The following GAREM1 variants were observed in gnomAD, a reference collection of about 807,000 sequenced individuals.
The protein encoded by GAREM1 is GRB2-associated and regulator of MAPK protein 1.
A neutral mutation model predicts 71.3 loss-of-function variants in GAREM1; 26 were observed. The ratio of observed to expected loss-of-function variants is 0.36; its 90% CI spans 0.27 to 0.51. The LOEUF (loss-of-function observed/expected upper bound fraction) is 0.51, where lower values mean the gene tolerates loss of function less well. GAREM1 is among the 20% of genes least tolerant of loss of function. The pLI is 0.95. For synonymous variants in GAREM1, 440 were observed against 433.2 expected, an observed-to-expected ratio of 1.02 and a Z score of -0.20; for missense variants, 1,026 against 1,103.1, an observed-to-expected ratio of 0.93 and a Z score of 0.99.
At chr18:32,270,404 C>A in intron 4 of GAREM1, 21 bp from the exon 5 acceptor site, 1 of 1,593,670 alleles carries the variant, frequency 6.3e-7, no homozygotes, top group Non-Finnish European at 8.5e-7. Context: ...AAAGAACACT[C>A]CAGGTTAGCA....
intron 4 of GAREM1, among the ~76,000 whole-genome samples, chr18:32,278,404 A>G (rs924476183): frequency 6.6e-6 from 1 of 152,242 alleles, no homozygotes; most frequent in African/African-American, 2.4e-5. Context: ...AGATTTTGGC[A>G]TACTTAGGTG....
intron 1 of GAREM1, among the ~76,000 whole-genome samples, chr18:32,433,165 A>C (rs1405832305): frequency 6.6e-6 from 1 of 151,796 alleles, no homozygotes; most frequent in Non-Finnish European, 1.5e-5. Flanking sequence ...AAAAAAAAAC[A>C]ACCCCACACA....
chr18:32,356,132 T>C (rs538470361), intron 2 of GAREM1, among the ~76,000 whole-genome samples: 1 of 152,308 alleles, frequency 6.6e-6, no homozygotes, highest in Non-Finnish European at 1.5e-5. Flanking sequence ...AAGGAATGAA[T>C]CACCATGAAG....
chr18:32,395,308 C>T lies in GAREM1; in HGVS notation c.122-2273G>A, dbSNP rs145370049. Among the ~76,000 whole-genome samples the T allele has an allele frequency of 3.9e-3, 598 of 152,346 alleles. 6 individuals are homozygous for T. Among genetic ancestry groups the T allele is most frequent in the African/African-American group, 0.013 (540 of 41,580 alleles). Reference sequence around the variant, plus strand: ...CTCAACCAATATAACAAGCACTGTTCTGAGTGCTAGGCGCATACGGGTGAA... The same window carrying T: ...CTCAACCAATATAACAAGCACTGTTTTGAGTGCTAGGCGCATACGGGTGAA... On this transcript the variant is annotated intron_variant, in intron 1 of 5. Transcript: ENST00000269209.
intron 2 of GAREM1, among the ~76,000 whole-genome samples, chr18:32,356,832 C>G (rs2047810934): frequency 6.6e-6 from 1 of 152,126 alleles, no homozygotes; most frequent in Non-Finnish European, 1.5e-5. Context: ...CTAGGAGGAC[C>G]ATCATTATGA....
rs150041985 is a variant in GAREM1 at position 32,271,646 on chromosome 18, G to A, written c.1567-1263C>T. ...TGACCATGGTCCACACACTGACAAG[G>A]CTGCAGAAGGAGTAATGAAGCGGCT... On this transcript the variant is annotated intron_variant, in intron 4 of 5. Transcript: ENST00000269209. Among the ~76,000 whole-genome samples the A allele has an allele frequency of 2.6e-3, 402 of 152,252 alleles. 2 individuals carry two copies. The highest frequency in any genetic ancestry group is 0.014 in the Middle Eastern group (4 of 294).
chr18:32,340,028 G>A (rs777157910), intron 2 of GAREM1, among the ~76,000 whole-genome samples: 20 of 152,254 alleles, frequency 1.3e-4, no homozygotes, highest in Non-Finnish European at 2.6e-4. Context: ...TAAAATACCT[G>A]GACACAATTC....
At position 32,451,391 on chromosome 18, in the gene GAREM1, A is replaced by G. The variant is rs191466000; in HGVS notation, c.121+18917T>C. Reference sequence around the variant, plus strand: ...CCCTTGCTGTTTTAAACCAACTAACACTTTGGAGTTGCTACTGCCACCAAA... The same window carrying G: ...CCCTTGCTGTTTTAAACCAACTAACGCTTTGGAGTTGCTACTGCCACCAAA... On this transcript the variant is annotated intron_variant, in intron 1 of 5. Coordinates refer to ENST00000269209, the MANE Select transcript of GAREM1 (RefSeq NM_001242409.2). 3.0e-3 allele frequency among the ~76,000 whole-genome samples: 458 copies of G among 152,070 alleles called. 2 individuals carry two copies. The highest frequency in any genetic ancestry group is 0.01 in the Middle Eastern group (3 of 294).
At chr18:32,307,121 T>G (rs1037746627) in intron 3 of GAREM1, among the ~76,000 whole-genome samples, 7 of 152,258 alleles carry the variant, frequency 4.6e-5, no homozygotes, top group African/African-American at 1.7e-4. Context: ...TTCCCCTTTT[T>G]CTAATACTTT....
At chr18:32,277,689 C>T (rs2041560354) in intron 4 of GAREM1, among the ~76,000 whole-genome samples, 2 of 152,164 alleles carry the variant, frequency 1.3e-5, no homozygotes, top group South Asian at 4.1e-4. Flanking sequence ...GACATTTAAC[C>T]TTCTTTTCCC....
intron 3 of GAREM1, among the ~76,000 whole-genome samples, chr18:32,290,749 C>T (rs1011805602): frequency 6.6e-6 from 1 of 151,970 alleles, no homozygotes; most frequent in Non-Finnish European, 1.5e-5. Flanking sequence ...AACTTCTTTC[C>T]TCTAAGAGAA....
intron 4 of GAREM1, among the ~76,000 whole-genome samples, chr18:32,284,906 C>T (rs1022446780): frequency 7.9e-5 from 12 of 151,978 alleles, no homozygotes; most frequent in Admixed American, 6.6e-4. Context: ...CCCGCCACCA[C>T]GCCCAGCTAA....
chr18:32,396,095 T>A (rs1599017115), intron 1 of GAREM1, among the ~76,000 whole-genome samples: 1 of 152,316 alleles, frequency 6.6e-6, no homozygotes, highest in South Asian at 2.1e-4. Context: ...GACCTGCAGC[T>A]GAGGGTCGTG....
intron 2 of GAREM1, among the ~76,000 whole-genome samples, chr18:32,361,730 C>T (rs2047867934): frequency 6.6e-6 from 1 of 152,248 alleles, no homozygotes; most frequent in East Asian, 1.9e-4. Flanking sequence ...TAAACTGTTT[C>T]TATTTCCTCA....
chr18:32,406,946 C>T (rs1163866218), intron 1 of GAREM1, among the ~76,000 whole-genome samples: 1 of 152,130 alleles, frequency 6.6e-6, no homozygotes, highest in Admixed American at 6.6e-5. Flanking sequence ...TATGGATTTG[C>T]AGAAAAGACA....
chr18:32,309,343 C>T (rs1192504537), intron 3 of GAREM1, among the ~76,000 whole-genome samples: 3 of 149,254 alleles, frequency 2.0e-5, no homozygotes, highest in East Asian at 3.9e-4. Context: ...AGGCCAGACA[C>T]GGTGGCTCAC....
chr18:32,397,573 T>A (rs532021666), intron 1 of GAREM1, among the ~76,000 whole-genome samples: 2 of 152,144 alleles, frequency 1.3e-5, no homozygotes, highest in East Asian at 3.9e-4. Flanking sequence ...TACATAATGG[T>A]AAAGGGATCA....
At chr18:32,347,743 T>C (rs2047709996) in intron 2 of GAREM1, among the ~76,000 whole-genome samples, 1 of 152,168 alleles carries the variant, frequency 6.6e-6, no homozygotes, top group Admixed American at 6.5e-5. Flanking sequence ...GTGGGACAAA[T>C]AGTATATCAG....
At chr18:32,295,324 C>A (rs540767517) in intron 3 of GAREM1, among the ~76,000 whole-genome samples, 3 of 152,280 alleles carry the variant, frequency 2.0e-5, no homozygotes, top group African/African-American at 7.2e-5. Context: ...ATAATCTCCA[C>A]ATGATCATAG....
Sources: gnomAD v4.1 joint callset for allele counts (sites outside exome capture counted in the v4.1 genomes callset) on GRCh38, gnomAD v4.1.1 for gene constraint, MANE v1.5 for transcripts, NCBI Gene and HGNC (gene_info 2026-07-23, HGNC 2026-07-21) for gene names.